The following NIN variants were observed in gnomAD, a reference collection of about 807,000 sequenced individuals.
NIN encodes the protein glycogen synthase kinase 3 beta-interacting protein.
Under a neutral mutation model 257.6 loss-of-function variants are expected in NIN, and 137 were observed. The ratio of observed to expected loss-of-function variants is 0.53; its 90% confidence interval spans 0.46 to 0.61. The LOEUF is 0.61. Among genes scored for constraint, NIN ranks in the 20% least tolerant of loss-of-function variants. NIN has a pLI of 0.00. For missense variants in NIN, 2,439 were observed against 2,501.2 expected, an observed-to-expected ratio of 0.98 and a Z score of 0.53; for synonymous variants, 918 against 919.8, an observed-to-expected ratio of 1.00 and a Z score of 0.04.
intron 3 of NIN, 57 bp downstream of exon 3, chr14:50,821,817 C>T (rs1010080988): frequency 4.2e-6 from 6 of 1,433,656 alleles, no homozygotes; most frequent in Non-Finnish European, 5.8e-6. Flanking sequence ...CCACCCCCAG[C>T]ACCCCGGCAG....
rs568306496 is a variant in NIN, at chr14:50,768,584, C to T, written c.1435-1694G>A. Among the ~76,000 whole-genome samples the T allele has an allele frequency of 9.0e-5, 13 of 144,974 alleles. No individual in the cohort carries two copies. The South Asian group carries it at 1.1e-3, about 12-fold the overall frequency. On this transcript the variant is annotated intron_variant, in intron 12 of 30. Transcript: ENST00000530997. Reference sequence around the variant, plus strand: ...TAAATGTGCTCTGCCCTCTGAGGCACGGGGAGAGCTGGGGTAGGTGCAGTG... The same window carrying T: ...TAAATGTGCTCTGCCCTCTGAGGCATGGGGAGAGCTGGGGTAGGTGCAGTG...
At chr14:50,782,456 G>A (rs2043172295) in intron 5 of NIN, among the ~76,000 whole-genome samples, 1 of 151,978 alleles carries the variant, frequency 6.6e-6, no homozygotes, top group Non-Finnish European at 1.5e-5. Context: ...AAACCATGTA[G>A]GAACGTGGAA....
intron 5 of NIN, among the ~76,000 whole-genome samples, chr14:50,786,021 T>C (rs2043333300): frequency 6.6e-6 from 1 of 152,150 alleles, no homozygotes; most frequent in Admixed American, 6.5e-5. Context: ...TGACAGGAAT[T>C]AACACGATTT....
chr14:50,793,117 A>G (rs2142032376), intron 4 of NIN, among the ~76,000 whole-genome samples: 1 of 152,274 alleles, frequency 6.6e-6, no homozygotes, highest in East Asian at 1.9e-4. Flanking sequence ...GGAGCAATCC[A>G]ACAATGGCAG....
At chr14:50,737,304 G>C (rs569011273) in intron 27 of NIN, among the ~76,000 whole-genome samples, 1 of 152,142 alleles carries the variant, frequency 6.6e-6, no homozygotes, top group East Asian at 1.9e-4. Context: ...GCAGCCTCTT[G>C]CTAACAGTTG....
At chr14:50,763,668 C>T (rs563222435) in intron 15 of NIN, among the ~76,000 whole-genome samples, 158 bp downstream of exon 15, 20 of 151,660 alleles carry the variant, frequency 1.3e-4, no homozygotes, top group African/African-American at 3.9e-4. Context: ...AAATGAAAAA[C>T]GAGACCACAA....
At chr14:50,737,495 CAAAAAAAAA>C (rs58386910) in intron 27 of NIN, among the ~76,000 whole-genome samples, 19 of 54,466 alleles carry the variant, frequency 3.5e-4, no homozygotes, top group African/African-American at 9.7e-4. Flanking sequence ...TGTTACATAG[CAAAAAAAAA>C]AAAAAAAAAA....
Position 50,759,996 on chromosome 14 carries a change from T to G in NIN, c.2260A>C (p.Lys754Gln). 6.2e-7 allele frequency: 1 copy of G among 1,614,208 alleles called. No homozygotes were observed. The highest frequency in any genetic ancestry group is 8.5e-7 in the Non-Finnish European group (1 of 1,180,026). Residue 754 changes from lysine (K) to glutamine (Q), a missense_variant, in exon 17 of 31, where the codon AAG becomes CAG. Lys to Gln is a moderately conservative substitution (Grantham distance 53). Coordinates refer to ENST00000530997, the MANE Select transcript of NIN (RefSeq NM_020921.4). ...GLQSSAWTEE[K>Q]VRGLTQELEQ... ...AGTTCCTGAGTCAAGCCTCTCACCT[T>G]CTCTTCTGTCCAGGCGCTACTCTGA...
intron 14 of NIN, among the ~76,000 whole-genome samples, chr14:50,765,073 A>T (rs1271406432): frequency 7.0e-6 from 1 of 143,572 alleles, no homozygotes; most frequent in Non-Finnish European, 1.5e-5. Context: ...TAAAAAAAAA[A>T]AAAAAAAAAA....
chr14:50,758,686 C>A, intron 17 of NIN, 56 bp from the exon 18 acceptor site: 1 of 1,487,290 alleles, frequency 6.7e-7, no homozygotes, highest in African/African-American at 1.4e-5. Flanking sequence ...CAGAAGCAAA[C>A]AAAAACCATT....
intron 14 of NIN, among the ~76,000 whole-genome samples, chr14:50,765,843 GT>G (rs34321797): frequency 1.3e-3 from 195 of 147,000 alleles, no homozygotes; most frequent in Middle Eastern, 3.5e-3. Context: ...TAACATTTAT[GT>G]TTTTTTTTTT....
rs1456856088 is a variant in NIN, at chr14:50,757,528, C to G, written c.3502G>C (p.Val1168Leu). The G allele has an allele frequency of 1.2e-6, 2 of 1,613,932 alleles. No individual in the cohort carries two copies. The highest frequency in any genetic ancestry group is 1.1e-5 in the South Asian group (1 of 91,070). ...TGTSSVQRQE[V>L]KIEESEASVE... is the part of the protein sequence containing the mutation. ...GAAGCTTCAGACTCCTCTATTTTGA[C>G]TTCCTGTCTCTGAACAGAGCTCGTC... Residue 1168 changes from valine (V) to leucine (L), a missense_variant, in exon 18 of 31, where the codon GTC (valine) becomes CTC (leucine). By Grantham distance (32) the Val-to-Leu change is conservative. Transcript: ENST00000530997.
rs1004901781 is a variant in NIN at position 50,831,120 on chromosome 14, G to C, written c.-190C>G. On this transcript the variant is annotated 5_prime_UTR_variant, in exon 1 of 31. Transcript: ENST00000530997. ...GCCCAGCGCGCTCGGCTCCCGGCTC[G>C]GCCGCGGCCACCCGGAGCTCTGGAC... is the stretch of plus-strand genomic sequence containing the variant. 1 of 149,948 alleles carries C rather than the reference G, an allele frequency of 6.7e-6. No homozygotes were observed. The allele number at this position is 149,948 out of a possible 1,614,324, so 9.3% of individuals were successfully genotyped here.
At position 50,721,141 on chromosome 14, in the gene NIN, C is replaced by T. The variant is rs1431626194; in HGVS notation, c.*2322G>A. On this transcript the variant is annotated 3_prime_UTR_variant, in exon 31 of 31. Transcript: ENST00000530997. ...GCACAAATGCATACATTTAAGGTAT[C>T]TGTATGGTATTTCTCATATTGATCT... 5.0e-6 allele frequency: 1 copy of T among 198,760 alleles called. No homozygotes were observed. Among genetic ancestry groups the T allele is most frequent in the East Asian group, 7.8e-5 (1 of 12,812 alleles). 12.3% of individuals were successfully genotyped at this position (198,760 alleles called of 1,614,324 possible).
intron 28 of NIN, among the ~76,000 whole-genome samples, chr14:50,734,684 T>TTC (rs2040889023): frequency 2.0e-5 from 3 of 152,158 alleles, no homozygotes; most frequent in African/African-American, 7.2e-5. Flanking sequence ...TTTTTTTTCT[T>TTC]TTTCTTTCTT....
chr14:50,740,801 A>C (rs779874039), intron 25 of NIN, among the ~76,000 whole-genome samples: 3 of 152,234 alleles, frequency 2.0e-5, no homozygotes, highest in Non-Finnish European at 4.4e-5. Flanking sequence ...TAGTTTTTTT[A>C]TAAAAAGTTT....
At chr14:50,729,478 G>C (rs770764966) in intron 29 of NIN, 45 bp downstream of exon 29, 8 of 1,554,124 alleles carry the variant, frequency 5.1e-6, no homozygotes, top group Middle Eastern at 1.8e-4. Context: ...CAAATAAACA[G>C]GTAAAATTAA....
intron 22 of NIN, among the ~76,000 whole-genome samples, chr14:50,746,682 A>G (rs932344204): frequency 2.6e-5 from 4 of 152,242 alleles, no homozygotes; most frequent in African/African-American, 9.6e-5. Flanking sequence ...TGGAACAACT[A>G]AATTTTCCTA....
intron 29 of NIN, chr14:50,727,335 C>G: frequency 1.0e-6 from 1 of 986,966 alleles, no homozygotes; most frequent in Non-Finnish European, 1.2e-6. Context: ...TCTTCAAATT[C>G]CATATATAAA....
Sources: allele counts gnomAD v4.1 joint callset (sites outside exome capture counted in the v4.1 genomes callset), GRCh38; gene constraint gnomAD v4.1.1; transcripts MANE v1.5; gene names NCBI Gene and HGNC (gene_info 2026-07-23, HGNC 2026-07-21).